POLR3B: variants seen among roughly 807,000 people sequenced by gnomAD.
POLR3B encodes the protein RNA polymerase III subunit B.
POLR3B carries 96 observed loss-of-function variants against 147.4 expected under a neutral mutation model. That is an observed-to-expected ratio of 0.65 (90% CI 0.55 to 0.77). The LOEUF (loss-of-function observed/expected upper bound fraction) is 0.77. POLR3B is among the 30% of genes least tolerant of loss of function. The pLI is 0.00. For missense variants in POLR3B, 1,036 were observed against 1,413.5 expected, an observed-to-expected ratio of 0.73 and a Z score of 4.28; for synonymous variants, 461 against 485.9, an observed-to-expected ratio of 0.95 and a Z score of 0.67.
In POLR3B at chr12:106,509,649, T is replaced by G; in HGVS notation, c.*100T>G. 9.1e-7 allele frequency: 1 copy of G among 1,096,838 alleles called. No individual in the cohort carries two copies. Among genetic ancestry groups the G allele is most frequent in the South Asian group, 1.3e-5 (1 of 76,884 alleles). The allele number at this position is 1,096,838 out of a possible 1,614,324, so 67.9% of individuals were successfully genotyped here. On this transcript the variant is annotated 3_prime_UTR_variant, in exon 28 of 28. Coordinates refer to ENST00000228347, the MANE Select transcript of POLR3B (RefSeq NM_018082.6). ...ACGTCTCCTCCTGTGAAGAATTCCC[T>G]TGCGTATTCTCTCTCTAAAACAACC...
chr12:106,500,177 C>T, intron 25 of POLR3B: 1 of 455,838 alleles, frequency 2.2e-6, no homozygotes, highest in Non-Finnish European at 4.4e-6. Context: ...GTAGTTGCTT[C>T]CTTCCCTTTG....
At chr12:106,385,478 G>GA (rs969353487) in intron 9 of POLR3B, among the ~76,000 whole-genome samples, 59 of 151,772 alleles carry the variant, frequency 3.9e-4, no homozygotes, top group African/African-American at 1.1e-3. Context: ...GTCAAAATTA[G>GA]AAAAAAAACA....
At chr12:106,359,677 T>C (rs2036439827) in intron 1 of POLR3B, among the ~76,000 whole-genome samples, 1 of 152,208 alleles carries the variant, frequency 6.6e-6, no homozygotes, top group Non-Finnish European at 1.5e-5. Context: ...GAGCCAGCAT[T>C]CACTGAGCAC....
rs1456876091 is a variant in POLR3B at position 106,454,563 on chromosome 12, A to G, written c.2145A>G (p.Pro715=). The change falls in exon 20 of 28, where the codon CCA becomes CCG. Residue 715 remains proline (P), a synonymous_variant. Transcript: ENST00000228347. ...CTCTCATGTATCTACTAGCATATCC[A>G]CAAAAACCCATGGTTAAGACAAAAA... The part of the protein sequence containing the change: ...IDTLMYLLAY[P]QKPMVKTKTI... 25 of 1,609,906 alleles carry G rather than the reference A, an allele frequency of 1.6e-5. No individual in the cohort carries two copies. The East Asian group carries it at 5.1e-4, about 33-fold the overall frequency.
intron 1 of POLR3B, among the ~76,000 whole-genome samples, chr12:106,360,280 C>G (rs891341560): frequency 6.6e-6 from 1 of 152,162 alleles, no homozygotes. Context: ...GCTCTTAGGG[C>G]AAAATCTAGT....
chr12:106,370,873 C>G (rs2036596422), intron 6 of POLR3B, among the ~76,000 whole-genome samples: 1 of 152,090 alleles, frequency 6.6e-6, no homozygotes, highest in South Asian at 2.1e-4. Context: ...CTCAGGTGAT[C>G]CGCCCGCCTT....
At chr12:106,458,876 G>A (rs889987370) in intron 21 of POLR3B, among the ~76,000 whole-genome samples, 1 of 152,110 alleles carries the variant, frequency 6.6e-6, no homozygotes, top group Non-Finnish European at 1.5e-5. Context: ...ATTGGTGGTG[G>A]CTTATTACTG....
chr12:106,361,477 C>T (rs888991793), intron 1 of POLR3B, among the ~76,000 whole-genome samples: 1 of 152,104 alleles, frequency 6.6e-6, no homozygotes, highest in African/African-American at 2.4e-5. Flanking sequence ...TATCACTGCC[C>T]AGTCAATAGT....
intron 12 of POLR3B, among the ~76,000 whole-genome samples, chr12:106,419,702 T>C (rs2037348997): frequency 1.3e-5 from 2 of 151,808 alleles, no homozygotes; most frequent in African/African-American, 4.8e-5. Context: ...TAGAATTAAT[T>C]GTATAGGAGT....
In POLR3B at chr12:106,454,696, G is replaced by A. The variant is rs146513209; in HGVS notation, c.2278G>A (p.Ala760Thr). 67 of 1,596,294 alleles carry A rather than the reference G, an allele frequency of 4.2e-5. No homozygotes were observed. Among genetic ancestry groups the A allele is most frequent in the Non-Finnish European group, 5.3e-5 (62 of 1,164,046 alleles). Residue 760 changes from alanine (A) to threonine (T), a missense_variant, in exon 20 of 28, where the codon GCC becomes ACC. Physicochemically the swap from Ala to Thr is moderately conservative, Grantham distance 58. Transcript: ENST00000228347. ...DIEDALVLNK[A>T]SLDRGFGRCL... ...TGAAGATGCTCTTGTTTTAAACAAG[G>A]CCTCTTTAGACAGAGGTAAGTGAAT...
chr12:106,433,588 G>A (rs1186903315), intron 15 of POLR3B, 131 bp from the exon 16 acceptor site: 2 of 687,216 alleles, frequency 2.9e-6, no homozygotes, highest in Non-Finnish European at 4.9e-6. Flanking sequence ...TTGTGGACTG[G>A]CTGCAGGTGT....
chr12:106,380,411 C>CAAA (rs147457953), intron 9 of POLR3B, among the ~76,000 whole-genome samples: 2 of 98,988 alleles, frequency 2.0e-5, no homozygotes, highest in Non-Finnish European at 4.2e-5. Flanking sequence ...CCATCTCTAC[C>CAAA]AAAAAAAAAA....
chr12:106,437,714 T>A lies in POLR3B; in HGVS notation c.1890T>A (p.Val630=). 6.2e-7 allele frequency: 1 copy of A among 1,603,816 alleles called. No homozygotes were observed. The highest frequency in any genetic ancestry group is 8.5e-7 in the Non-Finnish European group (1 of 1,170,768). ...AAGATTTCTTACATGAGAGTCTGGT[T>A]GAATATTTAGATGTGAATGAAGAAA... ...NFEDFLHESL[V]EYLDVNEEND... The change falls in exon 18 of 28, where the codon GTT becomes GTA. Residue 630 remains valine (V), a synonymous_variant. Coordinates refer to ENST00000228347, the MANE Select transcript of POLR3B (RefSeq NM_018082.6).
chr12:106,457,362 C>T (rs2037878802), intron 21 of POLR3B, 66 bp downstream of exon 21: 1 of 1,391,046 alleles, frequency 7.2e-7, no homozygotes, highest in South Asian at 1.2e-5. Flanking sequence ...AATAATATTT[C>T]TGAATATTTG....
intron 9 of POLR3B, among the ~76,000 whole-genome samples, chr12:106,391,518 A>G (rs924982955): frequency 2.0e-5 from 3 of 152,174 alleles, no homozygotes; most frequent in African/African-American, 7.2e-5. Context: ...TTTCCCCCAA[A>G]TCTTCAAAAC....
chr12:106,472,433 G>A (rs1336071862), intron 23 of POLR3B, among the ~76,000 whole-genome samples: 5 of 147,890 alleles, frequency 3.4e-5, no homozygotes, highest in African/African-American at 5.0e-5. Context: ...CTGAGGAATC[G>A]CCACACTGAC....
chr12:106,409,356 T>TG (rs1349802577), intron 11 of POLR3B, among the ~76,000 whole-genome samples: 12 of 139,502 alleles, frequency 8.6e-5, no homozygotes, highest in Admixed American at 1.5e-4. Context: ...GTTTTTTTTG[T>TG]TTTTTTTTTT....
At chr12:106,464,386 A>G (rs956893872) in intron 23 of POLR3B, among the ~76,000 whole-genome samples, 1 of 152,192 alleles carries the variant, frequency 6.6e-6, no homozygotes, top group Non-Finnish European at 1.5e-5. Flanking sequence ...GTGCTGACTC[A>G]TTTGATTCTC....
Position 106,499,718 on chromosome 12 carries a change from T to C in POLR3B, c.2985-1605T>C, listed in dbSNP as rs148282086. On this transcript the variant is annotated intron_variant, in intron 25 of 27. Transcript: ENST00000228347. ...TAAGAACACTCAGCTAGAGAGGTCA[T>C]GTAATTACTTTACTATGTGACAAAA... Among the ~76,000 whole-genome samples the C allele has an allele frequency of 2.0e-5, 3 of 152,338 alleles. No homozygotes were observed. The East Asian group carries it at 5.8e-4, about 29-fold the overall frequency.
Sources: allele counts gnomAD v4.1 joint callset (sites outside exome capture counted in the v4.1 genomes callset), GRCh38; gene constraint gnomAD v4.1.1; transcripts MANE v1.5; gene names NCBI Gene and HGNC (gene_info 2026-07-23, HGNC 2026-07-21).